SDK1: variants seen among roughly 807,000 people sequenced by gnomAD.
SDK1 encodes protein sidekick-1.
In SDK1, 157 loss-of-function variants were observed where a neutral mutation model predicts 245.5. That is an observed-to-expected ratio of 0.64 (90% CI 0.56 to 0.73). The LOEUF (loss-of-function observed/expected upper bound fraction) is 0.73. SDK1 is among the 30% of genes least tolerant of loss of function. The pLI is 0.00. For missense variants in SDK1, 3,583 were observed against 3,002.3 expected, an observed-to-expected ratio of 1.19 and a Z score of -4.52; for synonymous variants, 1,647 against 1,278.5, an observed-to-expected ratio of 1.29 and a Z score of -6.15.
In SDK1 at chr7:3,304,747, G is replaced by T. The variant is rs11971950; in HGVS notation, c.298+2863G>T. ...GAGAACTACTCACTTATTACCTTGTGTTTCCCCCTATTCCAGACACCTGCT... is the reference window on the plus strand; with the variant it reads ...GAGAACTACTCACTTATTACCTTGTTTTTCCCCCTATTCCAGACACCTGCT... On this transcript the variant is annotated intron_variant, in intron 1 of 44. Coordinates refer to ENST00000404826, the MANE Select transcript of SDK1 (RefSeq NM_152744.4). 4.2e-3 allele frequency among the ~76,000 whole-genome samples: 646 copies of T among 152,236 alleles called. 10 individuals carry two copies. The highest frequency in any genetic ancestry group is 0.015 in the African/African-American group (612 of 41,540).
At chr7:3,440,629 A>G (rs911624844) in intron 1 of SDK1, among the ~76,000 whole-genome samples, 3 of 152,206 alleles carry the variant, frequency 2.0e-5, no homozygotes, top group Non-Finnish European at 4.4e-5. Flanking sequence ...AGGATGTGCC[A>G]GAGAGAAGAT....
chr7:3,613,986 G>A (rs1781684594), intron 1 of SDK1, among the ~76,000 whole-genome samples: 1 of 152,198 alleles, frequency 6.6e-6, no homozygotes, highest in Admixed American at 6.5e-5. Flanking sequence ...CGTGGAGGAT[G>A]AGAGCGGGGA....
chr7:4,231,442 G>A (rs1287291973), intron 40 of SDK1, among the ~76,000 whole-genome samples: 4 of 151,824 alleles, frequency 2.6e-5, no homozygotes, highest in East Asian at 1.9e-4. Context: ...GCGTGGTGGC[G>A]CATGCCTGTA....
chr7:4,158,368 T>G (rs1780901928), intron 30 of SDK1, 80 bp from the exon 31 acceptor site: 2 of 1,186,598 alleles, frequency 1.7e-6, no homozygotes, highest in Admixed American at 3.6e-5. Context: ...TTGCCCCTCT[T>G]CCCAGGGCTT....
intron 1 of SDK1, among the ~76,000 whole-genome samples, chr7:3,546,081 G>A (rs1054082532): frequency 2.0e-5 from 3 of 152,224 alleles, no homozygotes; most frequent in Admixed American, 2.0e-4. Context: ...CAAAACAGTG[G>A]TTCTCAAGCT....
chr7:3,322,646 T>A (rs879531444), intron 1 of SDK1, among the ~76,000 whole-genome samples: 1 of 152,138 alleles, frequency 6.6e-6, no homozygotes, highest in African/African-American at 2.4e-5. Context: ...TTTCCTTTTT[T>A]AAAAAAAATT....
At chr7:4,056,786 C>A (rs2128169100) in intron 19 of SDK1, among the ~76,000 whole-genome samples, 1 of 152,272 alleles carries the variant, frequency 6.6e-6, no homozygotes, top group East Asian at 1.9e-4. Flanking sequence ...AGAGCCCAGC[C>A]CCACCAGAAC....
chr7:3,486,091 C>G (rs1781686313), intron 1 of SDK1, among the ~76,000 whole-genome samples: 1 of 151,734 alleles, frequency 6.6e-6, no homozygotes. Flanking sequence ...TTTTTTCCCC[C>G]CTGAGTTAAA....
intron 1 of SDK1, among the ~76,000 whole-genome samples, chr7:3,391,302 C>A (rs1781742562): frequency 6.6e-6 from 1 of 152,128 alleles, no homozygotes; most frequent in Admixed American, 6.5e-5. Flanking sequence ...TCATTCTTTA[C>A]CTCCATCCTA....
chr7:4,197,712 C>G (rs184638417), intron 35 of SDK1, among the ~76,000 whole-genome samples: 1 of 152,276 alleles, frequency 6.6e-6, no homozygotes, highest in East Asian at 1.9e-4. Flanking sequence ...CTCGTTTGCT[C>G]CTGGGTCTTG....
At chr7:3,821,030 G>A (rs1354146403) in intron 4 of SDK1, among the ~76,000 whole-genome samples, 1 of 152,208 alleles carries the variant, frequency 6.6e-6, no homozygotes, top group Non-Finnish European at 1.5e-5. Flanking sequence ...CTCCCTCGAG[G>A]TGGAGAAAAC....
chr7:3,664,596 C>T (rs765664960), intron 4 of SDK1, among the ~76,000 whole-genome samples: 23 of 151,866 alleles, frequency 1.5e-4, no homozygotes, highest in Non-Finnish European at 2.9e-4. Flanking sequence ...AAAAATTGGC[C>T]GGGCATGGTG....
chr7:3,583,291 T>C (rs1028250284), intron 1 of SDK1, among the ~76,000 whole-genome samples: 4 of 152,238 alleles, frequency 2.6e-5, no homozygotes, highest in Non-Finnish European at 5.9e-5. Flanking sequence ...AACTGCTTTC[T>C]TAGTAAACAA....
At chr7:3,865,828 G>C (rs561589331) in intron 5 of SDK1, among the ~76,000 whole-genome samples, 1 of 152,164 alleles carries the variant, frequency 6.6e-6, no homozygotes, top group African/African-American at 2.4e-5. Flanking sequence ...TCAGTTTTAT[G>C]GATTTTTCTT....
chr7:4,103,085 C>T (rs535247678), intron 22 of SDK1, among the ~76,000 whole-genome samples: 1 of 150,574 alleles, frequency 6.6e-6, no homozygotes, highest in Non-Finnish European at 1.5e-5. Context: ...ACTGCAAGCT[C>T]CGCCTGCCGG....
At chr7:3,435,844 C>G (rs1202205077) in intron 1 of SDK1, among the ~76,000 whole-genome samples, 1 of 152,184 alleles carries the variant, frequency 6.6e-6, no homozygotes, top group Non-Finnish European at 1.5e-5. Context: ...ATTACTTACT[C>G]TCAAACTTAT....
chr7:3,968,157 C>G lies in SDK1; in HGVS notation c.1546+723C>G, dbSNP rs566700501. On this transcript the variant is annotated intron_variant, in intron 10 of 44. Coordinates refer to ENST00000404826, the MANE Select transcript of SDK1 (RefSeq NM_152744.4). ...TGACATTCAGAATTAAGGATCACGG[C>G]CTTTGTTTTGTTGAAGAAAGATGCT... Among the ~76,000 whole-genome samples the G allele has an allele frequency of 1.5e-3, 236 of 152,324 alleles. 1 individual carries two copies. The highest frequency in any genetic ancestry group is 5.5e-3 in the African/African-American group (230 of 41,566).
At chr7:3,600,170 C>A (rs35453716) in intron 1 of SDK1, among the ~76,000 whole-genome samples, 29,376 of 152,116 alleles carry the variant, frequency 0.19, 3,237 homozygotes, top group South Asian at 0.29. Flanking sequence ...GTATATCATT[C>A]TCTTTGGAGT....
In SDK1 at chr7:3,961,860, CACAG is replaced by C. The variant is rs140455130; in HGVS notation, c.1235-793_1235-790del. Among the ~76,000 whole-genome samples the C allele has an allele frequency of 4.9e-3, 741 of 152,256 alleles. 8 individuals carry two copies. Among genetic ancestry groups the C allele is most frequent in the African/African-American group, 0.017 (709 of 41,518 alleles). ...ACATGCACATATATGCACCACCTCA[CACAG>C]ACACACATAGAAACACATGTACACA... is the stretch of plus-strand genomic sequence containing the variant. On this transcript the variant is annotated intron_variant, in intron 8 of 44. Coordinates refer to ENST00000404826, the MANE Select transcript of SDK1 (RefSeq NM_152744.4).
Sources: allele counts gnomAD v4.1 joint callset (sites outside exome capture counted in the v4.1 genomes callset), GRCh38; gene constraint gnomAD v4.1.1; transcripts MANE v1.5; gene names NCBI Gene and HGNC (gene_info 2026-07-23, HGNC 2026-07-21).